EYS: variants seen among roughly 807,000 people sequenced by gnomAD.
EYS encodes the protein protein eyes shut homolog.
A neutral mutation model predicts 282.1 loss-of-function variants in EYS; 250 were observed. The ratio of observed to expected loss-of-function variants is 0.89; its 90% CI spans 0.80 to 0.98. The LOEUF (loss-of-function observed/expected upper bound fraction) is 0.98, where lower values mean the gene tolerates loss of function less well. Among genes scored for constraint, EYS ranks in the 50% least tolerant of loss-of-function variants. The pLI, the probability that EYS is intolerant of heterozygous loss-of-function variation, is 0.00. For synonymous variants in EYS, 1,355 were observed against 1,282.9 expected, an observed-to-expected ratio of 1.06 and a Z score of -1.20; for missense variants, 4,016 against 3,709.0, an observed-to-expected ratio of 1.08 and a Z score of -2.15.
chr6:65,442,856 GTACATATATACA>G (rs568113930), intron 5 of EYS, among the ~76,000 whole-genome samples: 1,524 of 123,178 alleles, frequency 0.012, 84 homozygotes, highest in African/African-American at 0.036. Context: ...ACATACATAT[GTACATATATACA>G]TACATATACA....
chr6:64,863,083 TATTAGCTC>T (rs1304890050), intron 19 of EYS, among the ~76,000 whole-genome samples: 2 of 152,168 alleles, frequency 1.3e-5, no homozygotes, highest in Non-Finnish European at 2.9e-5. Flanking sequence ...ATTATTCTTT[TATTAGCTC>T]ATGTAATATT....
chr6:64,915,152 G>A (rs1224825400), intron 15 of EYS, among the ~76,000 whole-genome samples: 3 of 151,880 alleles, frequency 2.0e-5, no homozygotes, highest in Non-Finnish European at 4.4e-5. Context: ...TACTGAAATT[G>A]AGTATCTAAA....
intron 2 of EYS, among the ~76,000 whole-genome samples, chr6:65,555,579 A>G (rs541175863): frequency 6.6e-6 from 1 of 152,232 alleles, no homozygotes; most frequent in South Asian, 2.1e-4. Flanking sequence ...TTGTAATTTA[A>G]TTTTACTTTG....
intron 5 of EYS, among the ~76,000 whole-genome samples, chr6:65,458,027 C>G (rs768854493): frequency 3.3e-5 from 5 of 152,122 alleles, no homozygotes; most frequent in Non-Finnish European, 5.9e-5. Flanking sequence ...TCCCTCCCCA[C>G]TCATAAAAAG....
At chr6:63,830,159 TCTC>T (rs1346982330) in intron 36 of EYS, among the ~76,000 whole-genome samples, 5 of 152,122 alleles carry the variant, frequency 3.3e-5, no homozygotes, top group Non-Finnish European at 7.4e-5. Context: ...GAGTGTCTCT[TCTC>T]CTCCAAAGGA....
At chr6:65,115,271 TAC>T (rs1775334196) in intron 12 of EYS, among the ~76,000 whole-genome samples, 1 of 152,096 alleles carries the variant, frequency 6.6e-6, no homozygotes, top group Non-Finnish European at 1.5e-5. Context: ...TATCATAATA[TAC>T]CTTTCCTATG....
intron 14 of EYS, among the ~76,000 whole-genome samples, chr6:64,966,573 G>A (rs1334876701): frequency 6.6e-6 from 1 of 152,136 alleles, no homozygotes; most frequent in African/African-American, 2.4e-5. Flanking sequence ...AGGGGCTTTA[G>A]GGGAAAATCT....
chr6:64,831,417 AT>A (rs1765212216), intron 19 of EYS, among the ~76,000 whole-genome samples: 1 of 151,980 alleles, frequency 6.6e-6, no homozygotes, highest in Admixed American at 6.6e-5. Flanking sequence ...TTATTAGAAT[AT>A]TATATCTGTT....
At chr6:64,497,498 C>T (rs1776927212) in intron 26 of EYS, among the ~76,000 whole-genome samples, 2 of 151,962 alleles carry the variant, frequency 1.3e-5, no homozygotes, top group South Asian at 4.1e-4. Context: ...GAACAAGAAA[C>T]CCACTGACAA....
chr6:64,848,352 T>A (rs563846443), intron 19 of EYS, among the ~76,000 whole-genome samples: 1 of 152,190 alleles, frequency 6.6e-6, no homozygotes. Context: ...TTTATATATA[T>A]TTCAATGGTT....
At chr6:64,485,944 T>C (rs1428248486) in intron 26 of EYS, among the ~76,000 whole-genome samples, 1 of 151,356 alleles carries the variant, frequency 6.6e-6, no homozygotes, top group Non-Finnish European at 1.5e-5. Flanking sequence ...TATTTAAAGA[T>C]AATAGCAGAC....
At chr6:65,485,462 T>C (rs958206474) in intron 5 of EYS, among the ~76,000 whole-genome samples, 1 of 152,202 alleles carries the variant, frequency 6.6e-6, no homozygotes, top group African/African-American at 2.4e-5. Flanking sequence ...AAAGTGATAG[T>C]TGTCAAAGTG....
chr6:65,261,989 C>CA (rs1767632324), intron 12 of EYS, among the ~76,000 whole-genome samples: 1 of 152,034 alleles, frequency 6.6e-6, no homozygotes, highest in South Asian at 2.1e-4. Context: ...TCAAACTATT[C>CA]AATCAAATCT....
At chr6:64,669,260 G>C (rs1713216832) in intron 22 of EYS, among the ~76,000 whole-genome samples, 1 of 152,146 alleles carries the variant, frequency 6.6e-6, no homozygotes, top group African/African-American at 2.4e-5. Flanking sequence ...ATTAGTCTAA[G>C]ATGCTAGGAG....
intron 31 of EYS, among the ~76,000 whole-genome samples, chr6:64,173,050 C>T (rs1764529969): frequency 6.6e-6 from 1 of 152,094 alleles, no homozygotes; most frequent in Admixed American, 6.6e-5. Context: ...TGGTGAGCAG[C>T]AGGGACTGAG....
At chr6:65,392,392 A>G (rs1339773810) in intron 7 of EYS, among the ~76,000 whole-genome samples, 2 of 151,992 alleles carry the variant, frequency 1.3e-5, no homozygotes, top group Non-Finnish European at 1.5e-5. Context: ...GCAAGCAACA[A>G]AATGGGAGAA....
intron 22 of EYS, among the ~76,000 whole-genome samples, chr6:64,677,838 A>G (rs1769748333): frequency 1.3e-5 from 2 of 152,136 alleles, no homozygotes; most frequent in South Asian, 4.1e-4. Flanking sequence ...TAAAAAGAGA[A>G]GGTAAAAAAT....
At chr6:63,956,246 T>C (rs1765815237) in intron 35 of EYS, among the ~76,000 whole-genome samples, 1 of 152,122 alleles carries the variant, frequency 6.6e-6, no homozygotes, top group South Asian at 2.1e-4. Context: ...AAATGCCTGG[T>C]TCCTGCCTTA....
chr6:64,382,874 G>A (rs941401101), intron 29 of EYS, among the ~76,000 whole-genome samples: 2 of 152,074 alleles, frequency 1.3e-5, no homozygotes, highest in Non-Finnish European at 2.9e-5. Context: ...AATGGGAAGA[G>A]TGGTGGGTGG....
Sources: gnomAD v4.1 joint callset for allele counts (sites outside exome capture counted in the v4.1 genomes callset) on GRCh38, gnomAD v4.1.1 for gene constraint, MANE v1.5 for transcripts, NCBI Gene and HGNC (gene_info 2026-07-23, HGNC 2026-07-21) for gene names.